The following MAN1B1 variants were observed in gnomAD, a reference collection of about 807,000 sequenced individuals.
MAN1B1 encodes endoplasmic reticulum mannosyl-oligosaccharide 1,2-alpha-mannosidase.
In MAN1B1, 66 loss-of-function variants were observed where a neutral mutation model predicts 75.5. The observed-to-expected ratio is 0.87, with a 90% CI of 0.72 to 1.07. The LOEUF (loss-of-function observed/expected upper bound fraction) is 1.07, where lower values mean the gene tolerates loss of function less well. Ranked by LOEUF, MAN1B1 falls within the 50% of genes least tolerant of loss-of-function variation. The pLI is 0.00. For synonymous variants in MAN1B1, 453 were observed against 382.8 expected, an observed-to-expected ratio of 1.18 and a Z score of -2.14; for missense variants, 973 against 912.5, an observed-to-expected ratio of 1.07 and a Z score of -0.85.
chr9:137,101,136 C>T lies in MAN1B1; in HGVS notation c.1048C>T (p.Leu350Phe). 1 of 1,614,016 alleles carries T rather than the reference C, an allele frequency of 6.2e-7. No homozygotes were observed. The highest frequency in any genetic ancestry group is 1.1e-5 in the South Asian group (1 of 91,076). ...LSAYHLSGDS[L>F]FLRKAEDFGN... Reference sequence around the variant, plus strand: ...TGCCTACCACCTGTCTGGGGACAGCCTCTTCCTGAGGAAAGCTGTAAGTGT... The same window carrying T: ...TGCCTACCACCTGTCTGGGGACAGCTTCTTCCTGAGGAAAGCTGTAAGTGT... The change falls in exon 7 of 13, where the codon CTC becomes TTC. Residue 350 changes from leucine (L) to phenylalanine (F), a missense_variant. Physicochemically the swap from Leu to Phe is conservative, Grantham distance 22. Transcript: ENST00000371589.
Position 137,086,998 on chromosome 9 carries a change from C to G in MAN1B1, c.-2C>G. 6.3e-7 allele frequency: 1 copy of G among 1,590,378 alleles called. No homozygotes were observed. Among genetic ancestry groups the G allele is most frequent in the Non-Finnish European group, 8.5e-7 (1 of 1,170,572 alleles). The stretch of plus-strand genomic sequence containing the variant: ...GATGGGCGGGCTGTTGACGGCGCTG[C>G]GATGGCTGCCTGCGAGGGCAGGAGA... On this transcript the variant is annotated 5_prime_UTR_variant, in exon 1 of 13. Coordinates refer to ENST00000371589, the MANE Select transcript of MAN1B1 (RefSeq NM_016219.5).
intron 3 of MAN1B1, among the ~76,000 whole-genome samples, chr9:137,092,706 G>A (rs769712477): frequency 7.2e-5 from 11 of 152,188 alleles, no homozygotes; most frequent in Non-Finnish European, 1.0e-4. Context: ...CCCCTGCTAC[G>A]GTGCTGAGAG....
In MAN1B1 at chr9:137,108,378, T is replaced by C. The variant is rs1831193942; in HGVS notation, c.1897-10T>C. The C allele has an allele frequency of 1.9e-6, 3 of 1,612,868 alleles. No individual in the cohort carries two copies. Among genetic ancestry groups the C allele is most frequent in the Non-Finnish European group, 2.5e-6 (3 of 1,179,496 alleles). The stretch of plus-strand genomic sequence containing the variant: ...CCCCGTGTGGTGACGAGGCCCTGGC[T>C]GCTGCACAGGTCCCCTCGGGTGGCT... On this transcript the variant is annotated splice_polypyrimidine_tract_variant and intron_variant, in intron 12 of 12. Coordinates refer to ENST00000371589, the MANE Select transcript of MAN1B1 (RefSeq NM_016219.5).
rs753983473 is a variant in MAN1B1, at chr9:137,087,482, T to A, written c.219+264T>A. On this transcript the variant is annotated intron_variant, in intron 1 of 12. Transcript: ENST00000371589. Reference sequence around the variant, plus strand: ...GCCCCAGCAGGTTTTCTGGGCTTCGTTCGCTTTTCTGCAAGGTCCTGGCCC... The same window carrying A: ...GCCCCAGCAGGTTTTCTGGGCTTCGATCGCTTTTCTGCAAGGTCCTGGCCC... The A allele has an allele frequency of 7.5e-6, 5 of 668,762 alleles. No individual in the cohort carries two copies. In the South Asian group the frequency reaches 7.5e-5, roughly 10 times the overall value. The allele number at this position is 668,762 out of a possible 1,614,324, so 41.4% of individuals were successfully genotyped here.
intron 2 of MAN1B1, 118 bp downstream of exon 2, chr9:137,088,301 G>C: frequency 6.2e-7 from 1 of 1,609,384 alleles, no homozygotes. Flanking sequence ...GAATTGGCAA[G>C]AAATCAAGAT....
At position 137,108,026 on chromosome 9, in the gene MAN1B1, C is replaced by T. The variant is rs753383032; in HGVS notation, c.1897-362C>T. The T allele has an allele frequency of 5.1e-5, 31 of 612,698 alleles. No individual in the cohort carries two copies. In the South Asian group the frequency reaches 5.9e-4, roughly 12 times the overall value. The allele number at this position is 612,698 out of a possible 1,614,324, so 38.0% of individuals were successfully genotyped here. Reference sequence around the variant, plus strand: ...GTGGACCAGGCCCTGTTTTAGGTCACGCCCTCCACGCCAGAGTGTCACTTC... The same window carrying T: ...GTGGACCAGGCCCTGTTTTAGGTCATGCCCTCCACGCCAGAGTGTCACTTC... On this transcript the variant is annotated intron_variant, in intron 12 of 12. Coordinates refer to ENST00000371589, the MANE Select transcript of MAN1B1 (RefSeq NM_016219.5).
intron 8 of MAN1B1, 128 bp from the exon 9 acceptor site, chr9:137,105,997 C>T: frequency 1.3e-6 from 1 of 782,822 alleles, no homozygotes; most frequent in Non-Finnish European, 2.2e-6. Context: ...GGGCTGGGCA[C>T]AGAGCTCTCT....
intron 8 of MAN1B1, chr9:137,103,230 TCATG>T (rs1365326240): frequency 2.5e-6 from 1 of 399,566 alleles, no homozygotes; most frequent in Non-Finnish European, 4.8e-6. Flanking sequence ...TTACACACAT[TCATG>T]GTGTTGCAGG....
chr9:137,089,063 A>G, intron 3 of MAN1B1, 58 bp downstream of exon 3: 1 of 1,593,238 alleles, frequency 6.3e-7, no homozygotes, highest in Middle Eastern at 1.7e-4. Context: ...GGCATTTCAA[A>G]CCACTGAAGA....
At chr9:137,107,947 C>T in intron 12 of MAN1B1, 2 of 635,898 alleles carry the variant, frequency 3.1e-6, no homozygotes, top group Non-Finnish European at 5.7e-6. Flanking sequence ...GTGGGCCCAG[C>T]ATCCCCCCAG....
At chr9:137,103,761 G>A (rs1388124110) in intron 8 of MAN1B1, 9 of 450,496 alleles carry the variant, frequency 2.0e-5, no homozygotes, top group Non-Finnish European at 3.1e-5. Flanking sequence ...GGTCGGTGGT[G>A]TTACATTCAC....
In MAN1B1 at chr9:137,087,068, A is replaced by G. The variant is rs1422887504; in HGVS notation, c.69A>G (p.Pro23=). 4 of 1,603,404 alleles carry G rather than the reference A, an allele frequency of 2.5e-6. No individual in the cohort carries two copies. Among genetic ancestry groups the G allele is most frequent in the Non-Finnish European group, 3.4e-6 (4 of 1,176,768 alleles). The stretch of plus-strand genomic sequence containing the variant: ...CTCAGTCGGACTTCCTGACGCCGCC[A>G]GTGGGCGGGGCCCCTTGGGCCGTCG... ...GSSQSDFLTP[P]VGGAPWAVAT... Residue 23 remains proline (P), a synonymous_variant, in exon 1 of 13, where the codon CCA becomes CCG. Coordinates refer to ENST00000371589, the MANE Select transcript of MAN1B1 (RefSeq NM_016219.5).
At position 137,107,591 on chromosome 9, in the gene MAN1B1, C is replaced by T. The variant is rs377707640; in HGVS notation, c.1825C>T (p.Arg609Cys). 81 of 1,612,224 alleles carry T rather than the reference C, an allele frequency of 5.0e-5. No individual in the cohort carries two copies. Among genetic ancestry groups the T allele is most frequent in the Non-Finnish European group, 5.7e-5 (67 of 1,179,970 alleles). ...ETVESLFYLY[R>C]VTGDRKYQDW... is the part of the protein sequence containing the mutation. ...CGTGGAGAGCCTGTTCTACCTGTAC[C>T]GCGTCACAGGGGACCGCAAATACCA... Residue 609 changes from arginine (R) to cysteine (C), a missense_variant, in exon 12 of 13, where the codon CGC (arginine) becomes TGC (cysteine). Transcript: ENST00000371589.
intron 8 of MAN1B1, chr9:137,101,874 G>A (rs777261214): frequency 4.2e-5 from 30 of 718,718 alleles, no homozygotes; most frequent in Admixed American, 1.7e-4. Flanking sequence ...CGTGCAGGTC[G>A]GTGGTGTTAC....
At chr9:137,103,498 A>G in intron 8 of MAN1B1, 2 of 430,992 alleles carry the variant, frequency 4.6e-6, no homozygotes, top group Non-Finnish European at 4.6e-6. Context: ...ACACACATTC[A>G]CGCTATTGCA....
intron 8 of MAN1B1, chr9:137,104,857 T>G (rs1218064976): frequency 6.6e-6 from 1 of 151,478 alleles, no homozygotes; most frequent in Non-Finnish European, 1.5e-5. Flanking sequence ...TGCACACACC[T>G]GCCTGAGGCT....
At position 137,106,731 on chromosome 9, in the gene MAN1B1, G is replaced by T; in HGVS notation, c.1488G>T (p.Thr496=). ...TGGAAGCCATCGAGGGTGTCAGAAC[G>T]CACCTGCTGCGGCACTCCGAGCCCA... ...DYVEAIEGVR[T]HLLRHSEPSK... The change falls in exon 10 of 13, where the codon ACG becomes ACT. Residue 496 remains threonine (T), a synonymous_variant. Coordinates refer to ENST00000371589, the MANE Select transcript of MAN1B1 (RefSeq NM_016219.5). 1 of 1,613,488 alleles carries T rather than the reference G, an allele frequency of 6.2e-7. No individual in the cohort carries two copies.
In MAN1B1 at chr9:137,107,522, CGCCCACA is replaced by C. The variant is rs772843631; in HGVS notation, c.1765-5_1766del. On this transcript the variant is annotated splice_acceptor_variant and splice_polypyrimidine_tract_variant and intron_variant, in intron 11 of 12. Coordinates refer to ENST00000371589, the MANE Select transcript of MAN1B1 (RefSeq NM_016219.5). LOFTEE classifies it high-confidence loss of function. ...GCTGGCCTTGCCCTGAGCTCTGCTC[CGCCCACA>C]GCCAGCAGACAGGCACAACCTGCTG... is the stretch of plus-strand genomic sequence containing the variant. 1.2e-6 allele frequency: 2 copies of C among 1,612,808 alleles called. No individual in the cohort carries two copies.
At chr9:137,106,892 C>CAAG (rs397814053) in intron 10 of MAN1B1, 83 bp downstream of exon 10, 2 of 1,572,972 alleles carry the variant, frequency 1.3e-6, no homozygotes, top group Admixed American at 3.5e-5. Context: ...TCAAAAAGAA[C>CAAG]GAAATCCTGG....
Sources: gnomAD v4.1 joint callset for allele counts (sites outside exome capture counted in the v4.1 genomes callset) on GRCh38, gnomAD v4.1.1 for gene constraint, MANE v1.5 for transcripts, NCBI Gene and HGNC (gene_info 2026-07-23, HGNC 2026-07-21) for gene names.